The following ZFAND3 variants were observed in gnomAD, a reference collection of about 807,000 sequenced individuals.
ZFAND3 encodes the protein AN1-type zinc finger protein 3.
In ZFAND3, 10 loss-of-function variants were observed where a neutral mutation model predicts 29.6. The observed-to-expected ratio is 0.34, with a 90% CI of 0.21 to 0.57. The LOEUF (loss-of-function observed/expected upper bound fraction) is 0.57. ZFAND3 is among the 20% of genes least tolerant of loss of function. The pLI, the probability that ZFAND3 is intolerant of heterozygous loss-of-function variation, is 0.86. For synonymous variants in ZFAND3, 128 were observed against 112.6 expected, an observed-to-expected ratio of 1.14 and a Z score of -0.87; for missense variants, 230 against 304.5, an observed-to-expected ratio of 0.76 and a Z score of 1.82.
At chr6:37,861,184 G>C (rs1020803691) in intron 1 of ZFAND3, among the ~76,000 whole-genome samples, 1 of 152,202 alleles carries the variant, frequency 6.6e-6, no homozygotes, top group African/African-American at 2.4e-5. Flanking sequence ...TTGAGCCTGG[G>C]AGGTGGAGGT....
At chr6:38,005,918 T>C (rs1763040606) in intron 2 of ZFAND3, among the ~76,000 whole-genome samples, 3 of 152,356 alleles carry the variant, frequency 2.0e-5, no homozygotes, top group African/African-American at 7.2e-5. Context: ...CCAATAATTC[T>C]GGTCCTTCTC....
At chr6:37,932,541 T>A (rs1761619129) in intron 2 of ZFAND3, among the ~76,000 whole-genome samples, 1 of 152,196 alleles carries the variant, frequency 6.6e-6, no homozygotes, top group Non-Finnish European at 1.5e-5. Context: ...TTAGATTATA[T>A]ATTTGTCCCC....
intron 1 of ZFAND3, among the ~76,000 whole-genome samples, chr6:37,870,510 A>G (rs1393016096): frequency 1.3e-5 from 2 of 149,530 alleles, no homozygotes; most frequent in Non-Finnish European, 3.0e-5. Context: ...GAGGCAGGAG[A>G]ATTGCTTGAA....
chr6:38,006,116 A>G (rs1319919758), intron 2 of ZFAND3, among the ~76,000 whole-genome samples: 1 of 152,212 alleles, frequency 6.6e-6, no homozygotes, highest in Non-Finnish European at 1.5e-5. Context: ...TCTTGTAGTT[A>G]CAGCTTCTGC....
rs181242288 is a variant in ZFAND3 at position 38,041,436 on chromosome 6, G to A, written c.113-20157G>A. ...TATTAGTTTGCTTTCCACTGTAAGA[G>A]CTTTTTCTTCTCCCTCATTCTTAAA... On this transcript the variant is annotated intron_variant, in intron 2 of 5. Transcript: ENST00000287218. Among the ~76,000 whole-genome samples, 84 of 151,768 alleles carry A rather than the reference G, an allele frequency of 5.5e-4. 1 individual carries two copies. Among genetic ancestry groups the A allele is most frequent in the Admixed American group, 4.9e-3 (75 of 15,242 alleles).
intron 2 of ZFAND3, among the ~76,000 whole-genome samples, chr6:38,048,263 A>C (rs1446708368): frequency 6.6e-6 from 1 of 151,968 alleles, no homozygotes; most frequent in Non-Finnish European, 1.5e-5. Flanking sequence ...TCCGCCCCTC[A>C]AAGTGCTAGG....
Position 38,121,610 on chromosome 6 carries a change from C to G in ZFAND3, c.529+4871C>G, listed in dbSNP as rs552053338. Among the ~76,000 whole-genome samples, 6 of 152,144 alleles carry G rather than the reference C, an allele frequency of 3.9e-5. No homozygotes were observed. The South Asian group carries it at 1.2e-3, about 32-fold the overall frequency. On this transcript the variant is annotated intron_variant, in intron 5 of 5. Transcript: ENST00000287218. ...CCCTCACCTATTTTTTAGTAGAACA[C>G]TCTTTATTTGGGGTTTTAATAGAAC...
intron 1 of ZFAND3, among the ~76,000 whole-genome samples, chr6:37,882,218 T>G (rs894637382): frequency 7.2e-5 from 11 of 152,294 alleles, no homozygotes; most frequent in South Asian, 2.1e-4. Context: ...ATGTAGGCAG[T>G]CCAACCTCCC....
intron 1 of ZFAND3, among the ~76,000 whole-genome samples, chr6:37,858,134 G>T (rs1047975797): frequency 2.0e-5 from 3 of 152,160 alleles, no homozygotes; most frequent in African/African-American, 7.2e-5. Flanking sequence ...TAACATTCCT[G>T]TGTAGTTGCC....
intron 1 of ZFAND3, among the ~76,000 whole-genome samples, chr6:37,905,573 T>C (rs940186857): frequency 2.0e-5 from 3 of 152,188 alleles, no homozygotes; most frequent in African/African-American, 7.2e-5. Flanking sequence ...TCTGTTCATA[T>C]ATTTCACTGG....
chr6:37,828,873 A>G (rs1374077723), intron 1 of ZFAND3, among the ~76,000 whole-genome samples: 4 of 152,060 alleles, frequency 2.6e-5, no homozygotes, highest in Non-Finnish European at 5.9e-5. Context: ...GATGGTCTCA[A>G]TCTCCTTACC....
At position 37,918,951 on chromosome 6, in the gene ZFAND3, CTTTTTTTT is replaced by C. The variant is rs66941014; in HGVS notation, c.72-10995_72-10988del. On this transcript the variant is annotated intron_variant, in intron 1 of 5. Transcript: ENST00000287218. ...TGTGTTTTCAAAACATGAAAAATGCCTTTTTTTTTTTTTTTTTTTTGAGACGGAGTCTC... is the reference window on the plus strand; with the variant it reads ...TGTGTTTTCAAAACATGAAAAATGCCTTTTTTTTTTTTGAGACGGAGTCTC... 2.7e-3 allele frequency among the ~76,000 whole-genome samples: 284 copies of C among 104,734 alleles called. 5 individuals are homozygous for C. Among genetic ancestry groups the C allele is most frequent in the African/African-American group, 0.011 (270 of 24,590 alleles). The allele number at this position is 104,734 out of a possible 152,430, so 68.7% of individuals were successfully genotyped here.
intron 2 of ZFAND3, among the ~76,000 whole-genome samples, chr6:38,050,363 G>A (rs990748120): frequency 2.0e-5 from 3 of 152,046 alleles, no homozygotes; most frequent in Non-Finnish European, 1.5e-5. Flanking sequence ...TCCTACCTCA[G>A]CCTTTCTAGT....
At chr6:37,824,393 C>T (rs930784937) in intron 1 of ZFAND3, among the ~76,000 whole-genome samples, 1 of 150,474 alleles carries the variant, frequency 6.6e-6, no homozygotes, top group African/African-American at 2.5e-5. Flanking sequence ...AATGTGAAGA[C>T]CTAGAATATT....
At position 37,985,728 on chromosome 6, in the gene ZFAND3, G is replaced by A. The variant is rs140251564; in HGVS notation, c.112+55729G>A. Reference sequence around the variant, plus strand: ...GTTTAGGTTGGTGTTATTACTTAAGGTTCACAGTGCCACCAACATACAAAG... The same window carrying A: ...GTTTAGGTTGGTGTTATTACTTAAGATTCACAGTGCCACCAACATACAAAG... On this transcript the variant is annotated intron_variant, in intron 2 of 5. Coordinates refer to ENST00000287218, the MANE Select transcript of ZFAND3 (RefSeq NM_021943.3). Among the ~76,000 whole-genome samples the A allele has an allele frequency of 1.2e-4, 19 of 152,256 alleles. No homozygotes were observed. In the East Asian group the frequency reaches 2.3e-3, roughly 19 times the overall value.
intron 1 of ZFAND3, among the ~76,000 whole-genome samples, chr6:37,920,305 TTCA>T (rs1761354121): frequency 2.6e-5 from 4 of 151,960 alleles, no homozygotes; most frequent in Admixed American, 2.6e-4. Context: ...TTTAATTCAC[TTCA>T]TTGTTTTTTT....
chr6:37,882,126 G>A (rs1490644248), intron 1 of ZFAND3, among the ~76,000 whole-genome samples: 1 of 152,172 alleles, frequency 6.6e-6, no homozygotes, highest in Non-Finnish European at 1.5e-5. Context: ...CAGTTGGGTG[G>A]CCATGTTGCT....
At chr6:38,105,640 T>C (rs1353302286) in intron 4 of ZFAND3, among the ~76,000 whole-genome samples, 1 of 152,200 alleles carries the variant, frequency 6.6e-6, no homozygotes, top group Non-Finnish European at 1.5e-5. Flanking sequence ...GTCTTGATGG[T>C]ATCCATATCA....
intron 1 of ZFAND3, among the ~76,000 whole-genome samples, chr6:37,881,826 G>A (rs757249604): frequency 2.0e-4 from 30 of 151,802 alleles, no homozygotes; most frequent in Admixed American, 1.8e-3. Context: ...AATGCTGTTT[G>A]TATTTAGAAT....
Sources: gnomAD v4.1 joint callset for allele counts (sites outside exome capture counted in the v4.1 genomes callset) on GRCh38, gnomAD v4.1.1 for gene constraint, MANE v1.5 for transcripts, NCBI Gene and HGNC (gene_info 2026-07-23, HGNC 2026-07-21) for gene names.